The following AK3 variants were observed in gnomAD, a reference collection of about 807,000 sequenced individuals.
AK3 encodes adenylate kinase 3.
In AK3, 27 loss-of-function variants were observed where a neutral mutation model predicts 23.7. The ratio of observed to expected loss-of-function variants is 1.14; its 90% confidence interval spans 0.84 to 1.57. The LOEUF (loss-of-function observed/expected upper bound fraction) is 1.57, where lower values mean the gene tolerates loss of function less well. Among genes scored for constraint, AK3 ranks in the 40% most tolerant of loss-of-function variants. The pLI is 0.00. For missense variants in AK3, 406 were observed against 285.6 expected (o/e 1.42, Z -3.04); for synonymous variants, 159 against 116.0 (o/e 1.37, Z -2.38).
intron 1 of AK3, among the ~76,000 whole-genome samples, chr9:4,727,549 G>C (rs1436941920): frequency 6.6e-6 from 1 of 152,144 alleles, no homozygotes; most frequent in Non-Finnish European, 1.5e-5. Context: ...GAGAATTAGG[G>C]CCTTGCTCTG....
intron 1 of AK3, among the ~76,000 whole-genome samples, chr9:4,733,022 A>AT (rs1842191130): frequency 6.6e-6 from 1 of 150,876 alleles, no homozygotes; most frequent in African/African-American, 2.4e-5. Flanking sequence ...TTTTTTTTTT[A>AT]TTTTTTGTAG....
chr9:4,739,958 G>T (rs910161488), intron 1 of AK3, among the ~76,000 whole-genome samples: 2 of 149,526 alleles, frequency 1.3e-5, no homozygotes, highest in South Asian at 4.2e-4. Context: ...AACCTTTCTA[G>T]AAGGAAAACT....
rs190018248 is a variant in AK3 at position 4,718,154 on chromosome 9, C to T, written c.563+265G>A. Among the ~76,000 whole-genome samples the T allele has an allele frequency of 4.2e-3, 642 of 152,310 alleles. 6 individuals are homozygous for T. The highest frequency in any genetic ancestry group is 0.014 in the African/African-American group (592 of 41,558). ...GGCTGTTCCTACAAATGTCTGCTAC[C>T]ATGCAGGAAGCCTAAGGACAAAGCC... On this transcript the variant is annotated intron_variant, in intron 4 of 4. Coordinates refer to ENST00000381809, the MANE Select transcript of AK3 (RefSeq NM_016282.4).
Position 4,718,628 on chromosome 9 carries a change from T to C in AK3, c.445-91A>G, listed in dbSNP as rs543704241. On this transcript the variant is annotated intron_variant, in intron 3 of 4. Coordinates refer to ENST00000381809, the MANE Select transcript of AK3 (RefSeq NM_016282.4). ...TCAATTATTTTTAAACAGACATCTC[T>C]GTGCAAGTGCCAAGCACAAAAATGT... The C allele has an allele frequency of 4.9e-5, 49 of 995,552 alleles. No homozygotes were observed. The African/African-American group carries it at 7.1e-4, about 15-fold the overall frequency. The allele number at this position is 995,552 out of a possible 1,614,324, so 61.7% of individuals were successfully genotyped here. A position where few individuals can be genotyped will look rare whatever the true frequency, so the allele number is the denominator to read the frequency against.
At chr9:4,739,526 C>G (rs1006454083) in intron 1 of AK3, among the ~76,000 whole-genome samples, 2 of 150,750 alleles carry the variant, frequency 1.3e-5, no homozygotes, top group Non-Finnish European at 2.9e-5. Context: ...ACTACAAAAA[C>G]AGAATGAAAT....
chr9:4,728,280 C>A (rs1842063462), intron 1 of AK3, among the ~76,000 whole-genome samples: 1 of 152,080 alleles, frequency 6.6e-6, no homozygotes, highest in Admixed American at 6.6e-5. Context: ...CCTTTAAAAA[C>A]AAGTGTTAGG....
chr9:4,739,190 A>ATC (rs898451270), intron 1 of AK3, among the ~76,000 whole-genome samples: 2 of 151,710 alleles, frequency 1.3e-5, no homozygotes, highest in African/African-American at 4.8e-5. Flanking sequence ...AAGTCAAACA[A>ATC]TCTCTGTTCT....
At position 4,741,103 on chromosome 9, in the gene AK3, C is replaced by T. The variant is rs373732889; in HGVS notation, c.-16G>A. Reference sequence around the variant, plus strand: ...ACGCCCCCATGGCCGCAGACTGAGGCCCGCACCGCGCGGGTACCAGGGCTT... The same window carrying T: ...ACGCCCCCATGGCCGCAGACTGAGGTCCGCACCGCGCGGGTACCAGGGCTT... On this transcript the variant is annotated 5_prime_UTR_variant, in exon 1 of 5. Transcript: ENST00000381809. 37 of 1,504,494 alleles carry T rather than the reference C, an allele frequency of 2.5e-5. No individual in the cohort carries two copies. The highest frequency in any genetic ancestry group is 3.1e-5 in the Non-Finnish European group (35 of 1,126,700). 93.2% of individuals were successfully genotyped at this position (1,504,494 alleles called of 1,614,324 possible).
chr9:4,717,608 T>C lies in AK3; in HGVS notation c.563+811A>G, dbSNP rs527967542. ...TTCAATGCAGGATTTTTCAGCTTTA[T>C]GATGGTGCGAAAGCAACATGCATTC... On this transcript the variant is annotated intron_variant, in intron 4 of 4. Coordinates refer to ENST00000381809, the MANE Select transcript of AK3 (RefSeq NM_016282.4). Among the ~76,000 whole-genome samples, 26 of 152,326 alleles carry C rather than the reference T, an allele frequency of 1.7e-4. No individual in the cohort carries two copies. In the South Asian group the frequency reaches 4.6e-3, roughly 27 times the overall value.
chr9:4,731,440 G>C (rs1341106788), intron 1 of AK3, among the ~76,000 whole-genome samples: 1 of 152,084 alleles, frequency 6.6e-6, no homozygotes, highest in Non-Finnish European at 1.5e-5. Context: ...CCCTGCAAAG[G>C]ACGTAATCTT....
At chr9:4,725,362 G>A (rs770678061) in intron 1 of AK3, among the ~76,000 whole-genome samples, 1 of 151,976 alleles carries the variant, frequency 6.6e-6, no homozygotes, top group Non-Finnish European at 1.5e-5. Flanking sequence ...TCATCACTAT[G>A]CATTAGGCAA....
chr9:4,729,015 A>ATATATATATATATTTTTTT (rs71326127), intron 1 of AK3, among the ~76,000 whole-genome samples: 43 of 129,422 alleles, frequency 3.3e-4, no homozygotes, highest in East Asian at 7.2e-4. Context: ...ATATATATAT[A>ATATATATATATATTTTTTT]TTTTTTTTTT....
intron 4 of AK3, among the ~76,000 whole-genome samples, chr9:4,716,531 G>T (rs1481207189): frequency 6.6e-6 from 1 of 152,204 alleles, no homozygotes; most frequent in Non-Finnish European, 1.5e-5. Flanking sequence ...AAAAGAGACG[G>T]TAATTTTCAG....
intron 2 of AK3, among the ~76,000 whole-genome samples, chr9:4,720,869 T>C (rs908674286): frequency 6.6e-6 from 1 of 152,164 alleles, no homozygotes; most frequent in Admixed American, 6.5e-5. Context: ...CCAGGAAACC[T>C]GGATTCGGGA....
At chr9:4,735,680 G>A (rs1842274847) in intron 1 of AK3, among the ~76,000 whole-genome samples, 1 of 149,622 alleles carries the variant, frequency 6.7e-6, no homozygotes, top group Admixed American at 6.7e-5. Context: ...TGTTGACCAG[G>A]CTGATCCCAA....
chr9:4,724,880 G>T (rs991514877), intron 1 of AK3, among the ~76,000 whole-genome samples: 4 of 151,964 alleles, frequency 2.6e-5, no homozygotes, highest in African/African-American at 9.7e-5. Context: ...AATGAATGAA[G>T]AAAAAGTAGT....
At chr9:4,714,072 A>ACACATATACACCTCCACATATACAGCTG (rs1378545700) in intron 4 of AK3, among the ~76,000 whole-genome samples, 736 of 2,128 alleles carry the variant, frequency 0.35, 98 homozygotes, top group Non-Finnish European at 0.36. Context: ...ATACACACCT[A>ACACATATACACCTCCACATATACAGCTG]CACATATACA....
Position 4,719,195 on chromosome 9 carries a change from G to A in AK3, c.384C>T (p.Arg128=), listed in dbSNP as rs1841823154. 1.9e-6 allele frequency: 3 copies of A among 1,611,926 alleles called. No individual in the cohort carries two copies. Among genetic ancestry groups the A allele is most frequent in the Middle Eastern group, 2.2e-4 (1 of 4,456 alleles). The change falls in exon 3 of 5, where the codon CGC becomes CGT. Residue 128 remains arginine (R), a synonymous_variant. Coordinates refer to ENST00000381809, the MANE Select transcript of AK3 (RefSeq NM_016282.4). The part of the protein sequence containing the change: ...FEVIKQRLTA[R]WIHPASGRVY... ...CTCGGCCACTGGCGGGATGAATCCA[G>A]CGAGCAGTAAGGCGTTGTTTAATGA...
Position 4,722,574 on chromosome 9 carries a change from T to A in AK3, c.203A>T (p.Asp68Val), listed in dbSNP as rs141767297. The A allele has an allele frequency of 1.1e-4, 179 of 1,614,062 alleles. No homozygotes were observed. Among genetic ancestry groups the A allele is most frequent in the South Asian group, 6.3e-4 (57 of 91,088 alleles). The change falls in exon 2 of 5, where the codon GAT (aspartate) becomes GTT (valine). Residue 68 changes from aspartate (D) to valine (V), a missense_variant. Physicochemically the swap from Asp to Val is radical, Grantham distance 152. Transcript: ENST00000381809. ...AFIDQGKLIP[D>V]DVMTRLALHE... ...AAGGGCCAGCCGAGTCATGACATCA[T>A]CTGGGATGAGTTTCCCTTGGTCAAT... is the stretch of plus-strand genomic sequence containing the variant.
Sources: allele counts gnomAD v4.1 joint callset (sites outside exome capture counted in the v4.1 genomes callset), GRCh38; gene constraint gnomAD v4.1.1; transcripts MANE v1.5; gene names NCBI Gene and HGNC (gene_info 2026-07-23, HGNC 2026-07-21).